The following AGBL4 variants were observed in gnomAD, a reference collection of about 807,000 sequenced individuals.
AGBL4 encodes the protein AGBL carboxypeptidase 4, also known as cytosolic carboxypeptidase 6.
AGBL4 carries 58 observed loss-of-function variants against 66.4 expected under a neutral mutation model. The observed-to-expected ratio is 0.87, with a 90% CI of 0.71 to 1.09. The LOEUF is 1.09. Among genes scored for constraint, AGBL4 ranks in the 50% least tolerant of loss-of-function variants. The pLI is 0.00. For missense variants in AGBL4, 579 were observed against 631.0 expected (o/e 0.92, Z 0.88); for synonymous variants, 234 against 222.9 (o/e 1.05, Z -0.44).
chr1:48,602,757 C>T (rs1236220970), intron 9 of AGBL4, among the ~76,000 whole-genome samples: 1 of 152,194 alleles, frequency 6.6e-6, no homozygotes, highest in Non-Finnish European at 1.5e-5. Context: ...CAGGCAGGCA[C>T]TTGGCATCTC....
At position 48,730,607 on chromosome 1, in the gene AGBL4, A is replaced by C. The variant is rs543984105; in HGVS notation, c.635-67366T>G. On this transcript the variant is annotated intron_variant, in intron 6 of 13. Transcript: ENST00000371839. ...GGTGCAAATGGAGGAAGGTTTTTGG[A>C]GGAGCCCCCATAGAATTTCAATCAT... is the stretch of plus-strand genomic sequence containing the variant. Among the ~76,000 whole-genome samples the C allele has an allele frequency of 4.0e-4, 61 of 152,256 alleles. 1 individual carries two copies. The highest frequency in any genetic ancestry group is 1.2e-3 in the Admixed American group (19 of 15,300).
chr1:48,816,965 T>G (rs11205547), intron 6 of AGBL4, among the ~76,000 whole-genome samples: 10,620 of 152,134 alleles, frequency 0.07, 505 homozygotes, highest in East Asian at 0.17. Context: ...AGGAATTAAC[T>G]AGATCAACAA....
intron 3 of AGBL4, among the ~76,000 whole-genome samples, chr1:49,494,794 A>T (rs1647384729): frequency 6.6e-6 from 1 of 152,000 alleles, no homozygotes; most frequent in African/African-American, 2.4e-5. Flanking sequence ...ATACCCAGTA[A>T]TGAGATGGCT....
At chr1:48,584,920 C>T (rs1336162276) in intron 11 of AGBL4, 2 of 152,142 alleles carry the variant, frequency 1.3e-5, no homozygotes, top group Non-Finnish European at 2.9e-5. Context: ...ATGAAAATGT[C>T]CCAGAGCCTT....
At chr1:48,616,922 CT>C (rs1448038967) in intron 9 of AGBL4, among the ~76,000 whole-genome samples, 3 of 152,176 alleles carry the variant, frequency 2.0e-5, no homozygotes, top group African/African-American at 7.2e-5. Context: ...CGGCTGGTTT[CT>C]TTTCTGCCTT....
intron 6 of AGBL4, among the ~76,000 whole-genome samples, chr1:48,731,069 A>G (rs184833705): frequency 5.9e-5 from 9 of 152,344 alleles, no homozygotes; most frequent in Non-Finnish European, 1.2e-4. Flanking sequence ...CTGTGAGCAT[A>G]AAGGCTTTTC....
rs189635692 is a variant in AGBL4 at position 49,257,664 on chromosome 1, C to A, written c.283-11800G>T. Reference sequence around the variant, plus strand: ...GCGCTGCTTTGGCTCATGCACGGTGCGCTGCACCCACTGTCCTGCGCCCAC... The same window carrying A: ...GCGCTGCTTTGGCTCATGCACGGTGAGCTGCACCCACTGTCCTGCGCCCAC... On this transcript the variant is annotated intron_variant, in intron 3 of 13. Transcript: ENST00000371839. Among the ~76,000 whole-genome samples the A allele has an allele frequency of 4.6e-5, 7 of 152,292 alleles. No individual in the cohort carries two copies. The South Asian group carries it at 6.2e-4, about 14-fold the overall frequency.
chr1:49,034,283 A>T (rs1008634576), intron 5 of AGBL4, among the ~76,000 whole-genome samples: 1 of 152,294 alleles, frequency 6.6e-6, no homozygotes, highest in South Asian at 2.1e-4. Flanking sequence ...GATACTAAAA[A>T]TTTGAACTAA....
chr1:49,197,195 T>C (rs1323464065), intron 4 of AGBL4, among the ~76,000 whole-genome samples: 4 of 152,180 alleles, frequency 2.6e-5, no homozygotes, highest in African/African-American at 4.8e-5. Context: ...AAGAACTCTG[T>C]ATAATTTCCT....
intron 3 of AGBL4, among the ~76,000 whole-genome samples, chr1:49,618,348 A>ACCAGAGGTACAAAG (rs1328947815): frequency 1.3e-5 from 2 of 150,964 alleles, no homozygotes; most frequent in Admixed American, 6.6e-5. Flanking sequence ...AATGATGTAT[A>ACCAGAGGTACAAAG]ATCCTTTGGG....
intron 6 of AGBL4, among the ~76,000 whole-genome samples, chr1:48,754,145 G>A (rs1376492688): frequency 2.0e-5 from 3 of 152,110 alleles, no homozygotes; most frequent in Admixed American, 1.3e-4. Flanking sequence ...AACAAACTGG[G>A]GAGGACACCG....
intron 3 of AGBL4, among the ~76,000 whole-genome samples, chr1:49,323,456 T>C (rs1025976654): frequency 4.7e-4 from 70 of 150,032 alleles, no homozygotes; most frequent in African/African-American, 1.7e-3. Context: ...TAATTTTTTT[T>C]TTTTTTTTTT....
rs1016477059 is a variant in AGBL4, at chr1:49,783,018, T to C, written c.157+68378A>G. On this transcript the variant is annotated intron_variant, in intron 2 of 13. Transcript: ENST00000371839. ...GCCCCAGAAACCTGTTTTTTTTTTT[T>C]CCATAATGTCAGTACATAGCAAGAA... Among the ~76,000 whole-genome samples the C allele has an allele frequency of 3.3e-5, 5 of 152,026 alleles. No individual in the cohort carries two copies. The South Asian group carries it at 6.2e-4, about 19-fold the overall frequency.
chr1:49,237,247 AG>A (rs1650829485), intron 4 of AGBL4, among the ~76,000 whole-genome samples: 1 of 151,418 alleles, frequency 6.6e-6, no homozygotes, highest in Admixed American at 6.6e-5. Flanking sequence ...TGGGCCACAG[AG>A]GGAGACTACG....
At chr1:49,652,768 C>G (rs1012022321) in intron 3 of AGBL4, among the ~76,000 whole-genome samples, 2 of 152,158 alleles carry the variant, frequency 1.3e-5, no homozygotes, top group Non-Finnish European at 2.9e-5. Context: ...GGAAGAACCC[C>G]TCTGTGAGAA....
At chr1:48,711,618 G>A (rs568592424) in intron 6 of AGBL4, among the ~76,000 whole-genome samples, 2 of 152,132 alleles carry the variant, frequency 1.3e-5, no homozygotes, top group Non-Finnish European at 2.9e-5. Flanking sequence ...GCACGGTGTT[G>A]CCTGCCTGGG....
At chr1:49,288,024 C>A (rs1351442170) in intron 3 of AGBL4, among the ~76,000 whole-genome samples, 2 of 133,304 alleles carry the variant, frequency 1.5e-5, no homozygotes, top group African/African-American at 2.8e-5. Context: ...CCATGGAATA[C>A]TATGCAGCCA....
chr1:49,575,422 A>C, intron 3 of AGBL4, among the ~76,000 whole-genome samples: 1 of 152,202 alleles, frequency 6.6e-6, no homozygotes, highest in South Asian at 2.1e-4. Context: ...GGGAAAGGCC[A>C]AATGGAAGCC....
At chr1:49,350,808 T>C (rs1645738281) in intron 3 of AGBL4, among the ~76,000 whole-genome samples, 1 of 151,808 alleles carries the variant, frequency 6.6e-6, no homozygotes, top group South Asian at 2.1e-4. Context: ...TCTTATACCT[T>C]TGTGTTCTCA....
Sources: gnomAD v4.1 joint callset for allele counts (sites outside exome capture counted in the v4.1 genomes callset) on GRCh38, gnomAD v4.1.1 for gene constraint, MANE v1.5 for transcripts, NCBI Gene and HGNC (gene_info 2026-07-23, HGNC 2026-07-21) for gene names.